The following NAIP variants were observed in gnomAD, a reference collection of about 807,000 sequenced individuals.
NAIP encodes the protein baculoviral IAP repeat-containing protein 1.
In NAIP, 15 loss-of-function variants were observed where a neutral mutation model predicts 23.0. The observed-to-expected ratio is 0.65, with a 90% CI of 0.44 to 1.00. NAIP has a LOEUF of 1.00. Ranked by LOEUF, NAIP falls within the 50% of genes least tolerant of loss-of-function variation. The pLI is 0.00. For missense variants in NAIP, 265 were observed against 278.8 expected, an observed-to-expected ratio of 0.95 and a Z score of 0.35; for synonymous variants, 100 against 100.2, an observed-to-expected ratio of 1.00 and a Z score of 0.01.
At position 71,012,664 on chromosome 5, in the gene NAIP, A is replaced by G; in HGVS notation, c.252T>C (p.Ala84=). ...ATTTTACCCCAGTGAAGTAAAACCC[A>G]GCGGCCGCCATCTCCTGTGGTATCC... is the stretch of plus-strand genomic sequence containing the variant. ...SSWIPQEMAA[A]GFYFTGVKSG... is the part of the protein sequence containing the mutation. Residue 84 remains alanine, a synonymous_variant, in exon 4 of 17, where the codon GCT becomes GCC. Coordinates refer to ENST00000517649, the MANE Select transcript of NAIP (RefSeq NM_004536.3). The G allele has an allele frequency of 6.2e-7, 1 of 1,611,982 alleles. No homozygotes were observed. The highest frequency in any genetic ancestry group is 8.5e-7 in the Non-Finnish European group (1 of 1,178,500).
intron 3 of NAIP, among the ~76,000 whole-genome samples, chr5:71,013,139 G>A (rs1751249207): frequency 6.6e-6 from 1 of 151,416 alleles, no homozygotes; most frequent in African/African-American, 2.4e-5. Flanking sequence ...AGACATTGGG[G>A]ATCTAGCAAC....
At chr5:70,978,901 G>A (rs1221075396) in intron 13 of NAIP, among the ~76,000 whole-genome samples, 1 of 29,916 alleles carries the variant, frequency 3.3e-5, no homozygotes, top group Non-Finnish European at 4.9e-5. Flanking sequence ...GTACAATGGC[G>A]CGATCTCGGC....
chr5:71,010,140 C>G (rs1402235142), intron 5 of NAIP, among the ~76,000 whole-genome samples: 1 of 151,578 alleles, frequency 6.6e-6, no homozygotes, highest in Non-Finnish European at 1.5e-5. Flanking sequence ...CAGGGTCTCA[C>G]TCTGTCACCC....
At chr5:70,996,772 G>A (rs1306820299) in intron 9 of NAIP, among the ~76,000 whole-genome samples, 9 of 130,822 alleles carry the variant, frequency 6.9e-5, no homozygotes, top group South Asian at 2.5e-4. Flanking sequence ...CAGCCTGGGC[G>A]ACAAAGTGAG....
chr5:71,012,034 T>A (rs1351691748), intron 4 of NAIP, among the ~76,000 whole-genome samples: 1 of 151,506 alleles, frequency 6.6e-6, no homozygotes. Context: ...GAGACTGGGA[T>A]CAGGATGACC....
At chr5:71,013,639 TAAAA>T (rs35296500) in intron 3 of NAIP, among the ~76,000 whole-genome samples, 5 of 123,832 alleles carry the variant, frequency 4.0e-5, no homozygotes, top group Admixed American at 1.6e-4. Context: ...GACTCCGTCT[TAAAA>T]AAAAAAAAAA....
intron 3 of NAIP, among the ~76,000 whole-genome samples, chr5:71,015,702 C>T (rs1751405172): frequency 8.6e-6 from 1 of 116,568 alleles, no homozygotes; most frequent in Admixed American, 9.1e-5. Context: ...ACCTATAATC[C>T]CAGCACTTTG....
chr5:71,014,884 C>G (rs899283642), intron 3 of NAIP, among the ~76,000 whole-genome samples: 1 of 151,556 alleles, frequency 6.6e-6, no homozygotes, highest in Admixed American at 6.6e-5. Context: ...GCCTGGGTGA[C>G]AGAGTGAGAC....
chr5:71,009,108 G>A lies in NAIP; in HGVS notation c.668+2167C>T. Among the ~76,000 whole-genome samples, 2 of 150,432 alleles carry A rather than the reference G, an allele frequency of 1.3e-5. 1 individual carries two copies. Among genetic ancestry groups the A allele is most frequent in the Admixed American group, 1.3e-4 (2 of 15,032 alleles). On this transcript the variant is annotated intron_variant, in intron 5 of 16. Coordinates refer to ENST00000517649, the MANE Select transcript of NAIP (RefSeq NM_004536.3). ...CCAGCACTTTGGGAGGCTGAGGTGG[G>A]AGGATCACTTGAGCCCAGGAGTTTG...
At chr5:71,011,196 A>G (rs1215360688) in intron 5 of NAIP, 79 bp downstream of exon 5, 12 of 1,086,098 alleles carry the variant, frequency 1.1e-5, no homozygotes, top group African/African-American at 1.6e-5. Context: ...TCATGCCACT[A>G]TACTCCAGCC....
intron 4 of NAIP, chr5:71,011,771 G>A: frequency 2.2e-6 from 1 of 450,218 alleles, no homozygotes; most frequent in South Asian, 1.7e-5. Context: ...AAGTCTCTGA[G>A]CCTCCATGAA....
chr5:71,017,725 G>T, intron 3 of NAIP, among the ~76,000 whole-genome samples: 2 of 71,482 alleles, frequency 2.8e-5, no homozygotes, highest in African/African-American at 4.5e-5. Flanking sequence ...ATTTTTAGTA[G>T]AGACAGGGTT....
In NAIP at chr5:71,010,530, G is replaced by C. The variant is rs545153692; in HGVS notation, c.668+745C>G. Reference sequence around the variant, plus strand: ...GATCCACCGGCCTCAGCCTCCCAAAGTGCTGGGATTACAGGTGTGAGCCAC... The same window carrying C: ...GATCCACCGGCCTCAGCCTCCCAAACTGCTGGGATTACAGGTGTGAGCCAC... On this transcript the variant is annotated intron_variant, in intron 5 of 16. Coordinates refer to ENST00000517649, the MANE Select transcript of NAIP (RefSeq NM_004536.3). Among the ~76,000 whole-genome samples, 5 of 151,542 alleles carry C rather than the reference G, an allele frequency of 3.3e-5. No individual in the cohort carries two copies. In the South Asian group the frequency reaches 1.0e-3, roughly 32 times the overall value.
intron 12 of NAIP, among the ~76,000 whole-genome samples, chr5:70,981,234 T>G: frequency 8.0e-6 from 1 of 125,196 alleles, no homozygotes; most frequent in African/African-American, 3.9e-5. Flanking sequence ...AGCCCAGGAG[T>G]TCAAGACCAG....
chr5:71,013,667 A>C (rs1325350965), intron 3 of NAIP, among the ~76,000 whole-genome samples: 2 of 149,178 alleles, frequency 1.3e-5, no homozygotes, highest in Non-Finnish European at 3.0e-5. Flanking sequence ...AAAGAAGCTC[A>C]GTAACAGGCC....
intron 3 of NAIP, among the ~76,000 whole-genome samples, chr5:71,013,301 T>A (rs1182154143): frequency 6.6e-6 from 1 of 151,294 alleles, no homozygotes; most frequent in Non-Finnish European, 1.5e-5. Context: ...TTTGATCGAA[T>A]TACTCAGTTT....
chr5:71,011,230 CA>C (rs113451164), intron 5 of NAIP, 44 bp downstream of exon 5: 7,128 of 1,230,904 alleles, frequency 5.8e-3, no homozygotes, highest in Admixed American at 8.7e-3. Context: ...AAGACTGTCT[CA>C]AAAAAAAAAG....
At position 71,012,797 on chromosome 5, in the gene NAIP, T is replaced by A; in HGVS notation, c.119A>T (p.Glu40Val). Residue 40 changes from glutamate (E) to valine (V), a missense_variant, in exon 4 of 17, where the codon GAA (glutamate) becomes GTA (valine). Glu to Val is a moderately radical substitution (Grantham distance 121). Around this residue, in one of 2 missense-constraint regions of NAIP, gnomAD observed 261 missense variants for 259.2 expected, o/e 1.01. Coordinates refer to ENST00000517649, the MANE Select transcript of NAIP (RefSeq NM_004536.3). ...DAVQLAKELE[E>V]EEQKERAKMQ... ...TTTTGCTCGCTCCTTCTGCTCCTCTTCTTCTAGTTCCTTTGCCAACTGAAC... is the reference window on the plus strand; with the variant it reads ...TTTTGCTCGCTCCTTCTGCTCCTCTACTTCTAGTTCCTTTGCCAACTGAAC... 6.2e-7 allele frequency: 1 copy of A among 1,612,004 alleles called. No individual in the cohort carries two copies. The highest frequency in any genetic ancestry group is 1.3e-5 in the African/African-American group (1 of 74,880).
chr5:71,011,751 A>G (rs1316761942), intron 4 of NAIP: 4 of 446,674 alleles, frequency 9.0e-6, no homozygotes, highest in South Asian at 1.8e-5. Flanking sequence ...AAACATAGGC[A>G]TGTTTCTTAA....
Sources: allele counts gnomAD v4.1 joint callset (sites outside exome capture counted in the v4.1 genomes callset), GRCh38; gene constraint gnomAD v4.1.1; regional missense constraint gnomAD v4.1.1; transcripts MANE v1.5; gene names NCBI Gene and HGNC (gene_info 2026-07-23, HGNC 2026-07-21).